PIP5K1B: variants seen among roughly 807,000 people sequenced by gnomAD.
PIP5K1B encodes the protein phosphatidylinositol 4-phosphate 5-kinase type-1 beta.
In PIP5K1B, 42 loss-of-function variants were observed where a neutral mutation model predicts 67.0. The ratio of observed to expected loss-of-function variants is 0.63; its 90% CI spans 0.49 to 0.81. PIP5K1B has a LOEUF of 0.81. Among genes scored for constraint, PIP5K1B ranks in the 30% least tolerant of loss-of-function variants. The probability of loss-of-function intolerance (pLI) is 0.00; values close to 1 mark genes in which losing one functional copy is unlikely to be tolerated. For missense variants in PIP5K1B, 459 were observed against 646.3 expected, an observed-to-expected ratio of 0.71 and a Z score of 3.14; for synonymous variants, 214 against 231.4, an observed-to-expected ratio of 0.92 and a Z score of 0.68.
At position 68,788,309 on chromosome 9, in the gene PIP5K1B, A is replaced by G. The variant is rs561558890; in HGVS notation, c.-85-30152A>G. On this transcript the variant is annotated intron_variant, in intron 2 of 15. Transcript: ENST00000265382. ...TTTTCCCTCTGCAGACTCTCCCTTC[A>G]GGTTCAAACTTGGAACTTTCTAGCT... 8.3e-6 allele frequency: 6 copies of G among 722,516 alleles called. No individual in the cohort carries two copies. In the East Asian group the frequency reaches 1.4e-4, roughly 17 times the overall value. 44.8% of individuals were successfully genotyped at this position (722,516 alleles called of 1,614,324 possible).
intron 2 of PIP5K1B, among the ~76,000 whole-genome samples, chr9:68,750,855 G>A (rs1467494584): frequency 6.6e-6 from 1 of 152,162 alleles, no homozygotes; most frequent in Non-Finnish European, 1.5e-5. Flanking sequence ...CTTTCATGGG[G>A]ATAATGAAAA....
intron 1 of PIP5K1B, among the ~76,000 whole-genome samples, chr9:68,713,432 A>G (rs1018930778): frequency 1.3e-5 from 2 of 152,182 alleles, no homozygotes; most frequent in African/African-American, 2.4e-5. Context: ...AGAAATGCAG[A>G]TGAACTCTAT....
chr9:68,838,088 C>T (rs1387342085), intron 4 of PIP5K1B, among the ~76,000 whole-genome samples: 6 of 147,744 alleles, frequency 4.1e-5, no homozygotes, highest in African/African-American at 1.0e-4. Context: ...TTTTCTTTTG[C>T]GCATGGGATT....
At chr9:68,998,314 C>T (rs1564306240) in intron 15 of PIP5K1B, among the ~76,000 whole-genome samples, 1 of 152,166 alleles carries the variant, frequency 6.6e-6, no homozygotes, top group Non-Finnish European at 1.5e-5. Flanking sequence ...CTCGGCCTCC[C>T]AAATTGGGAT....
intron 1 of PIP5K1B, chr9:68,740,021 G>A (rs1828926809): frequency 6.6e-6 from 1 of 152,328 alleles, no homozygotes; most frequent in Non-Finnish European, 1.5e-5. Context: ...CTCACTACCT[G>A]TGGCCATTCC....
chr9:68,880,903 C>T (rs893153730), intron 6 of PIP5K1B, among the ~76,000 whole-genome samples: 1 of 152,198 alleles, frequency 6.6e-6, no homozygotes, highest in South Asian at 2.1e-4. Flanking sequence ...TGGAAGCTCA[C>T]CTCCAAACCG....
chr9:68,790,470 T>G (rs111558748), intron 2 of PIP5K1B, among the ~76,000 whole-genome samples: 115 of 152,346 alleles, frequency 7.5e-4, no homozygotes, highest in African/African-American at 2.2e-3. Context: ...TAGAAATCAC[T>G]TCAACACTGA....
intron 1 of PIP5K1B, among the ~76,000 whole-genome samples, chr9:68,737,283 G>A (rs1337073075): frequency 6.6e-6 from 1 of 152,202 alleles, no homozygotes; most frequent in Non-Finnish European, 1.5e-5. Flanking sequence ...CCTTTTTGGA[G>A]TGTGCATGGC....
chr9:68,712,269 C>G (rs560501180), intron 1 of PIP5K1B, among the ~76,000 whole-genome samples: 1 of 152,316 alleles, frequency 6.6e-6, no homozygotes, highest in Admixed American at 6.5e-5. Context: ...CTGTAAGCTT[C>G]CTGGGGCCCT....
chr9:68,790,730 A>T (rs1207756449), intron 2 of PIP5K1B, among the ~76,000 whole-genome samples: 1 of 152,134 alleles, frequency 6.6e-6, no homozygotes, highest in Non-Finnish European at 1.5e-5. Flanking sequence ...CTTAAACAGA[A>T]ACTTGGGCTT....
intron 15 of PIP5K1B, among the ~76,000 whole-genome samples, chr9:69,003,482 G>C (rs1300020355): frequency 7.8e-6 from 1 of 128,772 alleles, no homozygotes; most frequent in Non-Finnish European, 1.8e-5. Flanking sequence ...AAAAAAAGGG[G>C]GGGGGATATC....
In PIP5K1B at chr9:68,780,983, A is replaced by G. The variant is rs574840756; in HGVS notation, c.-85-37478A>G. On this transcript the variant is annotated intron_variant, in intron 2 of 15. Coordinates refer to ENST00000265382, the MANE Select transcript of PIP5K1B (RefSeq NM_003558.4). The stretch of plus-strand genomic sequence containing the variant: ...CCGACTCTCCTGTGTCACCTGCCCA[A>G]GCGGCTTCTCCATTTATTCCACTAG... The G allele has an allele frequency of 3.7e-6, 6 of 1,614,164 alleles. No individual in the cohort carries two copies. The Admixed American group carries it at 6.7e-5, about 18-fold the overall frequency.
chr9:68,977,551 G>A (rs1051073867), intron 14 of PIP5K1B, among the ~76,000 whole-genome samples: 1 of 152,022 alleles, frequency 6.6e-6, no homozygotes, highest in Non-Finnish European at 1.5e-5. Flanking sequence ...TACTTTGATG[G>A]TGAAGGTTTT....
chr9:68,955,530 G>A (rs1166698209), intron 14 of PIP5K1B, among the ~76,000 whole-genome samples: 1 of 152,190 alleles, frequency 6.6e-6, no homozygotes, highest in Non-Finnish European at 1.5e-5. Flanking sequence ...ATAAACAAGG[G>A]ACTCCCACAT....
In PIP5K1B at chr9:68,894,452, C is replaced by A. The variant is rs1285279049; in HGVS notation, c.585C>A (p.Ser195=). 1.2e-6 allele frequency: 2 copies of A among 1,614,106 alleles called. No individual in the cohort carries two copies. The highest frequency in any genetic ancestry group is 1.7e-6 in the Non-Finnish European group (2 of 1,180,004). The part of the protein sequence containing the change: ...IVVMNNVLPR[S]MRMHFTYDLK... ...TGATGAACAACGTTTTGCCACGCTCCATGAGAATGCACTTTACATATGACT... is the reference window on the plus strand; with the variant it reads ...TGATGAACAACGTTTTGCCACGCTCAATGAGAATGCACTTTACATATGACT... The change falls in exon 8 of 16, where the codon TCC becomes TCA. Residue 195 remains serine (S), a synonymous_variant. Coordinates refer to ENST00000265382, the MANE Select transcript of PIP5K1B (RefSeq NM_003558.4).
intron 5 of PIP5K1B, among the ~76,000 whole-genome samples, chr9:68,876,197 A>T (rs902273787): frequency 6.6e-6 from 1 of 152,188 alleles, no homozygotes; most frequent in Admixed American, 6.5e-5. Context: ...AAGAGTTCAG[A>T]TTGGGGTCCT....
At chr9:68,997,119 A>C (rs1830631539) in intron 15 of PIP5K1B, among the ~76,000 whole-genome samples, 1 of 152,170 alleles carries the variant, frequency 6.6e-6, no homozygotes, top group Non-Finnish European at 1.5e-5. Flanking sequence ...AGTTAATAAT[A>C]CTCTTTGATC....
rs71353095 is a variant in PIP5K1B at position 68,953,805 on chromosome 9, TAAAAAAA to T, written c.1502+13034_1502+13040del. 9.2e-4 allele frequency among the ~76,000 whole-genome samples: 100 copies of T among 108,600 alleles called. 1 individual carries two copies. The highest frequency in any genetic ancestry group is 3.2e-3 in the African/African-American group (92 of 29,116). 71.2% of individuals were successfully genotyped at this position (108,600 alleles called of 152,430 possible). On this transcript the variant is annotated intron_variant, in intron 14 of 15. Transcript: ENST00000265382. ...TGGGCAACAGAGCAAGACTCTGTCT[TAAAAAAA>T]AAAAAAAAAAAAAAAAAATCCCTGA...
At chr9:68,816,015 T>G (rs145403165) in intron 2 of PIP5K1B, among the ~76,000 whole-genome samples, 1 of 152,276 alleles carries the variant, frequency 6.6e-6, no homozygotes, top group East Asian at 1.9e-4. Context: ...ATGAGAAAAC[T>G]TATGATCCTA....
Sources: allele counts gnomAD v4.1 joint callset (sites outside exome capture counted in the v4.1 genomes callset), GRCh38; gene constraint gnomAD v4.1.1; transcripts MANE v1.5; gene names NCBI Gene and HGNC (gene_info 2026-07-23, HGNC 2026-07-21).